The following CCDC9 variants were observed in gnomAD, a reference collection of about 807,000 sequenced individuals.
CCDC9 encodes coiled-coil domain containing 9.
A neutral mutation model predicts 65.6 loss-of-function variants in CCDC9; 52 were observed. The observed-to-expected ratio is 0.79, with a 90% CI of 0.63 to 1.00. The LOEUF (loss-of-function observed/expected upper bound fraction) is 1.00, where lower values mean the gene tolerates loss of function less well. Among genes scored for constraint, CCDC9 ranks in the 50% least tolerant of loss-of-function variants. The pLI is 0.00. For missense variants in CCDC9, 834 were observed against 757.2 expected, an observed-to-expected ratio of 1.10 and a Z score of -1.19; for synonymous variants, 332 against 280.3, an observed-to-expected ratio of 1.18 and a Z score of -1.84.
At chr19:47,262,474 C>A (rs2059052401) in intron 5 of CCDC9, among the ~76,000 whole-genome samples, 4 of 152,066 alleles carry the variant, frequency 2.6e-5, no homozygotes. Flanking sequence ...GCCTCGGCCT[C>A]CCAAAATGCT....
chr19:47,265,013 C>G, intron 7 of CCDC9, 67 bp downstream of exon 7: 1 of 1,324,158 alleles, frequency 7.6e-7, no homozygotes, highest in Non-Finnish European at 9.8e-7. Flanking sequence ...TAGCAGGAAC[C>G]AGACAGATCA....
chr19:47,261,711 CAAAAA>C (rs758107358), intron 5 of CCDC9, among the ~76,000 whole-genome samples: 2 of 50,156 alleles, frequency 4.0e-5, no homozygotes, highest in South Asian at 8.4e-4. Context: ...GACTCTGTAT[CAAAAA>C]AAAAAAAAAA....
At position 47,271,361 on chromosome 19, in the gene CCDC9, A is replaced by T. The variant is rs146565921; in HGVS notation, c.1279A>T (p.Ile427Leu). The T allele has an allele frequency of 1.2e-4, 188 of 1,613,542 alleles. No homozygotes were observed. Among genetic ancestry groups the T allele is most frequent in the Middle Eastern group, 1.6e-4 (1 of 6,082 alleles). ...GGAAGAGGATGAAGAATGGGAGGACATAAGTGAGGATGAGGAAGAGGAGGA... is the reference window on the plus strand; with the variant it reads ...GGAAGAGGATGAAGAATGGGAGGACTTAAGTGAGGATGAGGAAGAGGAGGA... The part of the protein sequence containing the change: ...EGEEDEEWED[I>L]SEDEEEEEIE... Residue 427 changes from isoleucine (I) to leucine (L), a missense_variant, in exon 12 of 12, where the codon ATA becomes TTA. Ile to Leu is a conservative substitution (Grantham distance 5). Coordinates refer to ENST00000221922, the MANE Select transcript of CCDC9 (RefSeq NM_015603.3).
chr19:47,269,158 T>C (rs1419560819), intron 8 of CCDC9, among the ~76,000 whole-genome samples: 1 of 152,046 alleles, frequency 6.6e-6, no homozygotes, highest in African/African-American at 2.4e-5. Context: ...ATTTGAGTCC[T>C]CCTCTATGTC....
downstream of CCDC9, among the ~76,000 whole-genome samples, chr19:47,272,434 G>C (rs570007111): frequency 1.3e-5 from 2 of 152,072 alleles, no homozygotes; most frequent in Admixed American, 6.6e-5. Flanking sequence ...TTTTGGAGTC[G>C]AGCTCAGGGG....
intron 5 of CCDC9, among the ~76,000 whole-genome samples, chr19:47,261,711 CAAAAAAA>C (rs758107358): frequency 8.0e-5 from 4 of 50,152 alleles, no homozygotes; most frequent in East Asian, 5.6e-4. Context: ...GACTCTGTAT[CAAAAAAA>C]AAAAAAAAAA....
chr19:47,271,902 C>A lies in CCDC9; in HGVS notation c.*224C>A. The A allele has an allele frequency of 1.5e-6, 2 of 1,312,336 alleles. No homozygotes were observed. The highest frequency in any genetic ancestry group is 1.9e-6 in the Non-Finnish European group (2 of 1,033,200). 81.3% of individuals were successfully genotyped at this position (1,312,336 alleles called of 1,614,324 possible). A position where few individuals can be genotyped will look rare whatever the true frequency, so the allele number is the denominator to read the frequency against. ...GTCTCTGGAATGTCCACTCCCAGAG[C>A]CTGCCCCAGCCCTTCGAGCCCCCTC... On this transcript the variant is annotated 3_prime_UTR_variant, in exon 12 of 12. Transcript: ENST00000221922.
chr19:47,275,228 G>A (rs983670505), downstream of CCDC9: 19 of 1,529,790 alleles, frequency 1.2e-5, no homozygotes, highest in East Asian at 2.6e-5. Flanking sequence ...CCGGCGGGCC[G>A]CGACCCCAGC....
intron 5 of CCDC9, among the ~76,000 whole-genome samples, chr19:47,263,468 C>T (rs2059059034): frequency 1.3e-5 from 2 of 152,182 alleles, no homozygotes; most frequent in African/African-American, 4.8e-5. Flanking sequence ...ATTGTGACAA[C>T]ATGTGGCTTA....
Position 47,264,798 on chromosome 19 carries a change from T to G in CCDC9, c.572T>G (p.Val191Gly). The G allele has an allele frequency of 7.5e-6, 12 of 1,590,386 alleles. No homozygotes were observed. Among genetic ancestry groups the G allele is most frequent in the Non-Finnish European group, 1.0e-5 (12 of 1,166,032 alleles). ...GAAGGGGTTCTTGAACCCAACCCAG[T>G]GCGGAACTTCCTGGACGACCCCCGG... ...QREGVLEPNP[V>G]RNFLDDPRRR... is the part of the protein sequence containing the mutation. The change falls in exon 7 of 12, where the codon GTG becomes GGG. Residue 191 changes from valine to glycine, a missense_variant. Physicochemically the swap from Val to Gly is moderately radical, Grantham distance 109. Coordinates refer to ENST00000221922, the MANE Select transcript of CCDC9 (RefSeq NM_015603.3).
downstream of CCDC9, chr19:47,275,055 C>G (rs777859915): frequency 1.3e-5 from 20 of 1,493,754 alleles, no homozygotes; most frequent in South Asian, 2.1e-4. Flanking sequence ...AGCTGCCGTG[C>G]TGCTCGCCGT....
At chr19:47,259,143 T>C (rs1017717311) in intron 3 of CCDC9, among the ~76,000 whole-genome samples, 1 of 152,118 alleles carries the variant, frequency 6.6e-6, no homozygotes, top group Non-Finnish European at 1.5e-5. Flanking sequence ...GAGGGGAACA[T>C]GTTTCAGGCA....
chr19:47,273,341 C>CCCCTTCTCT (rs1485733610), downstream of CCDC9: 64 of 1,229,988 alleles, frequency 5.2e-5, no homozygotes, highest in East Asian at 2.0e-3. Flanking sequence ...GCTGACTCAG[C>CCCCTTCTCT]CCCTTCTCTC....
downstream of CCDC9, chr19:47,273,571 G>A (rs570852230): frequency 1.2e-4 from 51 of 425,080 alleles, no homozygotes; most frequent in Non-Finnish European, 1.9e-4. Context: ...AATCTAAGGG[G>A]GGAGGAGCCA....
rs1447692694 is a variant in CCDC9 at position 47,271,432 on chromosome 19, C to T, written c.1350C>T (p.His450=). 6.2e-7 allele frequency: 1 copy of T among 1,613,976 alleles called. No individual in the cohort carries two copies. The highest frequency in any genetic ancestry group is 2.2e-5 in the East Asian group (1 of 44,862). ...EGDEEEPAQD[H]QAPEAAPTGI... ...ATGAGGAGGAACCAGCCCAAGACCACCAAGCCCCAGAGGCTGCCCCCACCG... is the reference window on the plus strand; with the variant it reads ...ATGAGGAGGAACCAGCCCAAGACCATCAAGCCCCAGAGGCTGCCCCCACCG... Residue 450 remains histidine (H), a synonymous_variant, in exon 12 of 12, where the codon CAC becomes CAT. Coordinates refer to ENST00000221922, the MANE Select transcript of CCDC9 (RefSeq NM_015603.3).
chr19:47,266,213 T>C, intron 7 of CCDC9: 1 of 170,330 alleles, frequency 5.9e-6, no homozygotes, highest in South Asian at 1.7e-4. Context: ...GCCAGGATGG[T>C]CTCCATCTCC....
At chr19:47,273,919 G>C (rs951540771), downstream of CCDC9, 11 of 958,634 alleles carry the variant, frequency 1.1e-5, no homozygotes, top group East Asian at 2.3e-4. Context: ...GGAAGGAAGG[G>C]GTCTTCCTCC....
intron 5 of CCDC9, among the ~76,000 whole-genome samples, chr19:47,261,506 A>T (rs990518022): frequency 1.3e-5 from 2 of 152,050 alleles, no homozygotes; most frequent in Admixed American, 1.3e-4. Flanking sequence ...TGGGCAGCTC[A>T]CTTCCCCTGT....
At chr19:47,267,681 C>T (rs883030) in intron 8 of CCDC9, among the ~76,000 whole-genome samples, 1 of 151,840 alleles carries the variant, frequency 6.6e-6, no homozygotes, top group Non-Finnish European at 1.5e-5. Flanking sequence ...AGCTCTGCCC[C>T]CTCCAGTGGA....
Sources: gnomAD v4.1 joint callset for allele counts (sites outside exome capture counted in the v4.1 genomes callset) on GRCh38, gnomAD v4.1.1 for gene constraint, MANE v1.5 for transcripts, NCBI Gene and HGNC (gene_info 2026-07-23, HGNC 2026-07-21) for gene names.